Variants in ANAPC13 observed in about 807,000 individuals in gnomAD.
The protein encoded by ANAPC13 is anaphase-promoting complex subunit 13.
Under a neutral mutation model 9.6 loss-of-function variants are expected in ANAPC13, and 9 were observed. The ratio of observed to expected loss-of-function variants is 0.94; its 90% confidence interval spans 0.57 to 1.64. ANAPC13 has a LOEUF of 1.64. ANAPC13 is among the 40% of genes most tolerant of loss of function. ANAPC13 has a pLI of 0.00. For synonymous variants in ANAPC13, 30 were observed against 29.7 expected, an observed-to-expected ratio of 1.01 and a Z score of -0.03; for missense variants, 75 against 85.3, an observed-to-expected ratio of 0.88 and a Z score of 0.48.
At chr3:134,480,326 TG>T (rs1934708053) in intron 2 of ANAPC13, among the ~76,000 whole-genome samples, 1 of 152,262 alleles carries the variant, frequency 6.6e-6, no homozygotes, top group Admixed American at 6.5e-5. Context: ...GTCTTTCATT[TG>T]GTATCTACTG....
chr3:134,482,727 C>T, intron 2 of ANAPC13, 79 bp downstream of exon 2: 3 of 1,142,866 alleles, frequency 2.6e-6, no homozygotes, highest in Non-Finnish European at 4.0e-6. Flanking sequence ...ACTAGTTTAT[C>T]TTCCATTGAT....
chr3:134,478,832 T>C lies in ANAPC13; in HGVS notation c.100-117A>G, dbSNP rs75626371. On this transcript the variant is annotated intron_variant, in intron 2 of 2. Coordinates refer to ENST00000354910, the MANE Select transcript of ANAPC13 (RefSeq NM_015391.4). ...AGGAACAGGCAACATAATTGATATGTGTATTCTAAAAAAGCTAAAATCATA... is the reference window on the plus strand; with the variant it reads ...AGGAACAGGCAACATAATTGATATGCGTATTCTAAAAAAGCTAAAATCATA... 1,466 of 1,179,998 alleles carry C rather than the reference T, an allele frequency of 1.2e-3. 17 individuals carry two copies. In the African/African-American group the frequency reaches 0.02, roughly 16 times the overall value. The allele number at this position is 1,179,998 out of a possible 1,614,324, so 73.1% of individuals were successfully genotyped here.
intron 2 of ANAPC13, among the ~76,000 whole-genome samples, chr3:134,480,712 T>C (rs1277378251): frequency 3.9e-5 from 6 of 152,164 alleles, no homozygotes. Context: ...CTGCCAGACA[T>C]GTGAGACAGT....
chr3:134,479,184 T>C (rs1026135530), intron 2 of ANAPC13, among the ~76,000 whole-genome samples: 1 of 152,220 alleles, frequency 6.6e-6, no homozygotes, highest in African/African-American at 2.4e-5. Context: ...TATCCAGTGC[T>C]CAAGGAATAT....
At chr3:134,484,030 A>G (rs1934822014) in intron 1 of ANAPC13, among the ~76,000 whole-genome samples, 1 of 152,170 alleles carries the variant, frequency 6.6e-6, no homozygotes, top group Non-Finnish European at 1.5e-5. Context: ...TATGTTCATG[A>G]GCTCCTGTGC....
chr3:134,485,958 C>A lies in ANAPC13; in HGVS notation c.-34G>T. On this transcript the variant is annotated 5_prime_UTR_variant, in exon 1 of 3. Coordinates refer to ENST00000354910, the MANE Select transcript of ANAPC13 (RefSeq NM_015391.4). ...GGGCGCTGGAAACCCTTACCGGCAC[C>A]CGGCCACCGCGGCAGACGCTTGCTC... 1.0e-6 allele frequency: 1 copy of A among 981,910 alleles called. No homozygotes were observed. The highest frequency in any genetic ancestry group is 1.2e-6 in the Non-Finnish European group (1 of 828,812). 60.8% of individuals were successfully genotyped at this position (981,910 alleles called of 1,614,324 possible).
Position 134,478,504 on chromosome 3 carries a change from T to G in ANAPC13, c.*86A>C. The G allele has an allele frequency of 6.6e-7, 1 of 1,509,748 alleles. No individual in the cohort carries two copies. The highest frequency in any genetic ancestry group is 1.3e-5 in the South Asian group (1 of 79,030). 93.5% of individuals were successfully genotyped at this position (1,509,748 alleles called of 1,614,324 possible). Reference sequence around the variant, plus strand: ...ACATTTTTGAGTGCTGATTTATTACTCAAAGGTTTGAATTTGGAGACTGAA... The same window carrying G: ...ACATTTTTGAGTGCTGATTTATTACGCAAAGGTTTGAATTTGGAGACTGAA... On this transcript the variant is annotated 3_prime_UTR_variant, in exon 3 of 3. Transcript: ENST00000354910.
chr3:134,481,557 C>T (rs531190047), intron 2 of ANAPC13, among the ~76,000 whole-genome samples: 283 of 152,300 alleles, frequency 1.9e-3, no homozygotes, highest in Non-Finnish European at 3.1e-3. Flanking sequence ...TTTATGCCCC[C>T]ACCTAGAATA....
At chr3:134,482,190 C>T (rs1029291585) in intron 2 of ANAPC13, among the ~76,000 whole-genome samples, 2 of 152,112 alleles carry the variant, frequency 1.3e-5, no homozygotes, top group South Asian at 2.1e-4. Context: ...CTTTTTTAGG[C>T]CTCTATGACA....
At chr3:134,480,964 G>A (rs1360274644) in intron 2 of ANAPC13, among the ~76,000 whole-genome samples, 1 of 152,198 alleles carries the variant, frequency 6.6e-6, no homozygotes, top group Non-Finnish European at 1.5e-5. Flanking sequence ...TAGCAGCAGG[G>A]CCAAGCCAAC....
At chr3:134,478,807 A>G in intron 2 of ANAPC13, 92 bp from the exon 3 acceptor site, 4 of 1,410,298 alleles carry the variant, frequency 2.8e-6, no homozygotes, top group Non-Finnish European at 3.9e-6. Flanking sequence ...GTGAGTTCCT[A>G]GGAACAGGCA....
upstream of ANAPC13, chr3:134,485,991 G>GGGGC: frequency 1.1e-6 from 1 of 938,168 alleles, no homozygotes. Context: ...CTCCTGCCAC[G>GGGGC]CCCCCCCCCC....
chr3:134,483,166 G>T, intron 1 of ANAPC13: 1 of 469,658 alleles, frequency 2.1e-6, no homozygotes, highest in Non-Finnish European at 3.8e-6. Flanking sequence ...GTCATAGAGT[G>T]TGACAGGAGA....
At chr3:134,484,122 C>T (rs1934839128) in intron 1 of ANAPC13, among the ~76,000 whole-genome samples, 1 of 152,220 alleles carries the variant, frequency 6.6e-6, no homozygotes, top group Non-Finnish European at 1.5e-5. Context: ...TGGCTCGCGC[C>T]TGTAATCCAG....
chr3:134,479,800 G>T (rs1291965013), intron 2 of ANAPC13, among the ~76,000 whole-genome samples: 2 of 152,198 alleles, frequency 1.3e-5, no homozygotes, highest in Non-Finnish European at 2.9e-5. Flanking sequence ...TCTTAAAATG[G>T]TAAGTCATGG....
chr3:134,479,719 C>G (rs1478800582), intron 2 of ANAPC13, among the ~76,000 whole-genome samples: 1 of 152,080 alleles, frequency 6.6e-6, no homozygotes, highest in East Asian at 1.9e-4. Context: ...ATAGATAAGA[C>G]CTCCCTCTAG....
rs1934769814 is a variant in ANAPC13 at position 134,482,881 on chromosome 3, A to G, written c.24T>C (p.Asp8=). 1 of 1,614,142 alleles carries G rather than the reference A, an allele frequency of 6.2e-7. No homozygotes were observed. Among genetic ancestry groups the G allele is most frequent in the African/African-American group, 1.3e-5 (1 of 75,052 alleles). The change falls in exon 2 of 3, where the codon GAT becomes GAC. Residue 8 remains aspartate (D), a synonymous_variant. Transcript: ENST00000354910. MDSEVQR[D]GRILDLIDDA... ...CATCAATCAAATCCAAGATCCTTCC[A>G]TCTCTCTGAACCTCACTGTCCATTT...
rs751907598 is a variant in ANAPC13, at chr3:134,482,910, T to C, written c.-6A>G. The C allele has an allele frequency of 8.7e-6, 14 of 1,611,110 alleles. No individual in the cohort carries two copies. The South Asian group carries it at 1.3e-4, about 15-fold the overall frequency. Reference sequence around the variant, plus strand: ...CTCTGAACCTCACTGTCCATTTTCCTGCAGCTTTGATCTTGTCAAATCTGT... The same window carrying C: ...CTCTGAACCTCACTGTCCATTTTCCCGCAGCTTTGATCTTGTCAAATCTGT... On this transcript the variant is annotated 5_prime_UTR_variant, in exon 2 of 3. Transcript: ENST00000354910.
intron 1 of ANAPC13, 38 bp downstream of exon 1, chr3:134,485,914 C>T (rs1935106589): frequency 5.6e-6 from 5 of 897,924 alleles, no homozygotes; most frequent in Non-Finnish European, 6.7e-6. Flanking sequence ...CATTCCCGCG[C>T]CTCCAAAACC....
Sources: gnomAD v4.1 joint callset for allele counts (sites outside exome capture counted in the v4.1 genomes callset) on GRCh38, gnomAD v4.1.1 for gene constraint, MANE v1.5 for transcripts, NCBI Gene and HGNC (gene_info 2026-07-23, HGNC 2026-07-21) for gene names.